Variants in MIB1 observed in about 807,000 individuals in gnomAD.
MIB1 encodes the protein MIB E3 ubiquitin protein ligase 1.
A neutral mutation model predicts 124.5 loss-of-function variants in MIB1; 278 were observed. That is an observed-to-expected ratio of 2.23 (90% CI 2.02 to 2.47). The LOEUF is 2.47. MIB1 is among the 30% of genes most tolerant of loss of function. MIB1 has a pLI of 0.00. For synonymous variants in MIB1, 446 were observed against 429.4 expected (o/e 1.04, Z -0.48); for missense variants, 957 against 1,254.4 (o/e 0.76, Z 3.58).
chr18:21,758,027 C>T (rs1429811195), intron 1 of MIB1, among the ~76,000 whole-genome samples: 1 of 152,134 alleles, frequency 6.6e-6, no homozygotes, highest in African/African-American at 2.4e-5. Context: ...TGAATTTGAA[C>T]CTGCCACTTA....
At chr18:21,844,616 A>T (rs2042119901) in intron 15 of MIB1, among the ~76,000 whole-genome samples, 1 of 152,068 alleles carries the variant, frequency 6.6e-6, no homozygotes, top group Admixed American at 6.6e-5. Flanking sequence ...TTTAGTAGAG[A>T]CGGAGTTTCA....
At chr18:21,760,911 G>A (rs763607812) in intron 1 of MIB1, among the ~76,000 whole-genome samples, 2 of 152,132 alleles carry the variant, frequency 1.3e-5, no homozygotes, top group Non-Finnish European at 2.9e-5. Flanking sequence ...ACTTTTTTGT[G>A]ATGATGGAAC....
At chr18:21,795,502 A>G (rs2041568524) in intron 7 of MIB1, among the ~76,000 whole-genome samples, 1 of 150,722 alleles carries the variant, frequency 6.6e-6, no homozygotes, top group Non-Finnish European at 1.5e-5. Flanking sequence ...CGTTACCTAT[A>G]TAAAAAGGGA....
At position 21,865,059 on chromosome 18, in the gene MIB1, A is replaced by T. The variant is rs988798561; in HGVS notation, c.*393A>T. 6.4e-6 allele frequency: 1 copy of T among 155,058 alleles called. No homozygotes were observed. Among genetic ancestry groups the T allele is most frequent in the African/African-American group, 2.4e-5 (1 of 41,550 alleles). 9.6% of individuals were successfully genotyped at this position (155,058 alleles called of 1,614,324 possible). On this transcript the variant is annotated 3_prime_UTR_variant, in exon 21 of 21. Coordinates refer to ENST00000261537, the MANE Select transcript of MIB1 (RefSeq NM_020774.4). ...CATCGTGGTTTTACACAGTGAGTTGATAACAGGTTCTCTGAGAAGTCATGC... is the reference window on the plus strand; with the variant it reads ...CATCGTGGTTTTACACAGTGAGTTGTTAACAGGTTCTCTGAGAAGTCATGC...
At chr18:21,746,931 A>G (rs1335495324) in intron 1 of MIB1, among the ~76,000 whole-genome samples, 3 of 152,188 alleles carry the variant, frequency 2.0e-5, no homozygotes, top group African/African-American at 7.2e-5. Flanking sequence ...GATTAAAAAA[A>G]TGAAATGAAT....
At chr18:21,767,546 C>T (rs1242546139) in intron 2 of MIB1, among the ~76,000 whole-genome samples, 1 of 151,888 alleles carries the variant, frequency 6.6e-6, no homozygotes, top group Non-Finnish European at 1.5e-5. Flanking sequence ...TGAATAATGG[C>T]TATTTTTTTT....
chr18:21,730,110 A>G (rs1208423379), intron 1 of MIB1, among the ~76,000 whole-genome samples: 3 of 152,114 alleles, frequency 2.0e-5, no homozygotes, highest in African/African-American at 7.2e-5. Flanking sequence ...TCTTCAATCT[A>G]TTTATTGTAG....
rs779829531 is a variant in MIB1, at chr18:21,857,120, C to A, written c.2666-10C>A. The A allele has an allele frequency of 6.3e-7, 1 of 1,593,838 alleles. No homozygotes were observed. Among genetic ancestry groups the A allele is most frequent in the South Asian group, 1.1e-5 (1 of 90,522 alleles). ...CTCTTGTAAGAAGTGTCTGTGTTACCGTTTTCCAGACTGTGCTAACCTGAT... is the reference window on the plus strand; with the variant it reads ...CTCTTGTAAGAAGTGTCTGTGTTACAGTTTTCCAGACTGTGCTAACCTGAT... On this transcript the variant is annotated splice_polypyrimidine_tract_variant and intron_variant, in intron 18 of 20. Transcript: ENST00000261537.
chr18:21,770,976 G>A (rs966815037), intron 3 of MIB1, among the ~76,000 whole-genome samples: 1 of 151,954 alleles, frequency 6.6e-6, no homozygotes, highest in Non-Finnish European at 1.5e-5. Flanking sequence ...ATAGATTCAG[G>A]TTCAATTTTA....
chr18:21,783,944 T>C (rs1367006890), intron 6 of MIB1, among the ~76,000 whole-genome samples: 1 of 152,114 alleles, frequency 6.6e-6, no homozygotes, highest in East Asian at 1.9e-4. Flanking sequence ...GGTCTTACGA[T>C]GTTGCCCAGG....
chr18:21,713,612 CAAAAAAAAAA>C (rs57282241), intron 1 of MIB1, among the ~76,000 whole-genome samples: 11 of 44,204 alleles, frequency 2.5e-4, no homozygotes, highest in African/African-American at 6.7e-4. Context: ...GATTCTGTCT[CAAAAAAAAAA>C]AAAAAAAAAA....
chr18:21,838,983 A>G (rs963736772), intron 13 of MIB1, among the ~76,000 whole-genome samples: 1 of 152,202 alleles, frequency 6.6e-6, no homozygotes, highest in Admixed American at 6.5e-5. Context: ...CATTTCATTC[A>G]TCTCAGAATA....
At chr18:21,777,280 G>C (rs112829328) in intron 4 of MIB1, among the ~76,000 whole-genome samples, 1 of 151,704 alleles carries the variant, frequency 6.6e-6, no homozygotes, top group Non-Finnish European at 1.5e-5. Context: ...TTAGCCAGGC[G>C]TGGTGGTGCA....
intron 1 of MIB1, among the ~76,000 whole-genome samples, chr18:21,717,611 GA>G (rs1343192228): frequency 6.6e-6 from 1 of 151,796 alleles, no homozygotes; most frequent in Non-Finnish European, 1.5e-5. Flanking sequence ...ATTCTCAACA[GA>G]AAAAATACAA....
At chr18:21,781,796 G>GTT (rs1287825785) in intron 6 of MIB1, among the ~76,000 whole-genome samples, 2 of 151,964 alleles carry the variant, frequency 1.3e-5, no homozygotes, top group African/African-American at 4.8e-5. Flanking sequence ...TTTTCAATTT[G>GTT]TTGGTATATA....
intron 9 of MIB1, among the ~76,000 whole-genome samples, chr18:21,802,437 C>T (rs1360720879): frequency 3.9e-5 from 6 of 151,954 alleles, no homozygotes; most frequent in African/African-American, 1.4e-4. Context: ...AATTTTCCCA[C>T]CCTTTTTCCA....
rs1598601116 is a variant in MIB1, at chr18:21,768,656, G to A, written c.435G>A (p.Lys145=). ...VLLESRRKSK[K]ITARGIFAGA... ...TAGAGTCTCGTAGGAAATCTAAGAA[G>A]ATTACAGCCAGAGGAATCTTTGCAG... is the stretch of plus-strand genomic sequence containing the variant. The change falls in exon 3 of 21, where the codon AAG becomes AAA. Residue 145 remains lysine (K), a synonymous_variant. Transcript: ENST00000261537. 6.3e-7 allele frequency: 1 copy of A among 1,594,938 alleles called. No homozygotes were observed. Among genetic ancestry groups the A allele is most frequent in the East Asian group, 2.3e-5 (1 of 44,390 alleles).
intron 9 of MIB1, chr18:21,803,672 A>G (rs1022381896): frequency 1.4e-5 from 5 of 351,058 alleles, no homozygotes; most frequent in African/African-American, 1.0e-4. Context: ...CAGATTGCCT[A>G]ACAGTTATTT....
chr18:21,742,940 T>C (rs969090766), intron 1 of MIB1, among the ~76,000 whole-genome samples: 1 of 152,170 alleles, frequency 6.6e-6, no homozygotes, highest in African/African-American at 2.4e-5. Flanking sequence ...TTTAAAAACA[T>C]TTATTAAAAA....
Sources: gnomAD v4.1 joint callset for allele counts (sites outside exome capture counted in the v4.1 genomes callset) on GRCh38, gnomAD v4.1.1 for gene constraint, MANE v1.5 for transcripts, NCBI Gene and HGNC (gene_info 2026-07-23, HGNC 2026-07-21) for gene names.